Variants in POU6F2 observed in about 807,000 individuals in gnomAD.
POU6F2 encodes POU domain, class 6, transcription factor 2.
In POU6F2, 31 loss-of-function variants were observed where a neutral mutation model predicts 71.3. That is an observed-to-expected ratio of 0.43 (90% CI 0.33 to 0.59). The LOEUF (loss-of-function observed/expected upper bound fraction) is 0.59. POU6F2 is among the 20% of genes least tolerant of loss of function. The pLI is 0.04. For missense variants in POU6F2, 783 were observed against 856.8 expected (o/e 0.91, Z 1.07); for synonymous variants, 347 against 355.7 (o/e 0.98, Z 0.27).
chr7:39,085,766 G>A lies in POU6F2; in HGVS notation c.106-94G>A, dbSNP rs1791226966. ...AGAGGGAGAGTGTGTGTGGAAGAGA[G>A]AGAGAGAAGAGAGAGGGAGAGGGAG... is the stretch of plus-strand genomic sequence containing the variant. On this transcript the variant is annotated intron_variant, in intron 1 of 9. Transcript: ENST00000518318. The A allele has an allele frequency of 3.6e-5, 44 of 1,233,250 alleles. 2 individuals carry two copies. In the South Asian group the frequency reaches 5.7e-4, roughly 16 times the overall value. 76.4% of individuals were successfully genotyped at this position (1,233,250 alleles called of 1,614,324 possible).
At position 39,141,068 on chromosome 7, in the gene POU6F2, T is replaced by C. The variant is rs926951386; in HGVS notation, c.277+55037T>C. Among the ~76,000 whole-genome samples, 3 of 152,176 alleles carry C rather than the reference T, an allele frequency of 2.0e-5. No homozygotes were observed. The South Asian group carries it at 6.2e-4, about 32-fold the overall frequency. On this transcript the variant is annotated intron_variant, in intron 2 of 9. Transcript: ENST00000518318. ...TCCGAGCACTCCCTGAGCCTCCTGGTGCTTTGACTTAACTCACACTAGGGC... is the reference window on the plus strand; with the variant it reads ...TCCGAGCACTCCCTGAGCCTCCTGGCGCTTTGACTTAACTCACACTAGGGC...
At chr7:39,445,494 C>T (rs149351649) in intron 7 of POU6F2, among the ~76,000 whole-genome samples, 2 of 152,176 alleles carry the variant, frequency 1.3e-5, no homozygotes, top group Non-Finnish European at 2.9e-5. Flanking sequence ...TCCCACCTTC[C>T]GTGTCTGGCA....
At chr7:39,398,208 A>G (rs1349327216) in intron 5 of POU6F2, among the ~76,000 whole-genome samples, 1 of 152,110 alleles carries the variant, frequency 6.6e-6, no homozygotes, top group Non-Finnish European at 1.5e-5. Context: ...GCACTGTTGA[A>G]AGAGTCAAAG....
intron 2 of POU6F2, among the ~76,000 whole-genome samples, chr7:39,137,643 C>G (rs746820110): frequency 3.3e-5 from 5 of 152,156 alleles, no homozygotes; most frequent in Non-Finnish European, 7.3e-5. Flanking sequence ...AGACAACATA[C>G]AGAAAAATAA....
intron 2 of POU6F2, among the ~76,000 whole-genome samples, chr7:39,150,462 ATTTTTT>A (rs1263641232): frequency 1.0e-5 from 1 of 99,278 alleles, no homozygotes; most frequent in Non-Finnish European, 2.0e-5. Context: ...ACCAAGCTAC[ATTTTTT>A]TTTTTTTTTT....
chr7:39,297,156 T>A (rs1784861198), intron 4 of POU6F2, among the ~76,000 whole-genome samples: 1 of 148,406 alleles, frequency 6.7e-6, no homozygotes, highest in Non-Finnish European at 1.5e-5. Flanking sequence ...TGTTTATGCC[T>A]AATTATTTTA....
intron 2 of POU6F2, among the ~76,000 whole-genome samples, chr7:39,108,860 C>A (rs1193180348): frequency 2.0e-5 from 3 of 152,058 alleles, no homozygotes; most frequent in Non-Finnish European, 4.4e-5. Flanking sequence ...TTATAATTTG[C>A]AACACAAAGT....
chr7:39,413,399 T>C (rs1033503318), intron 6 of POU6F2, among the ~76,000 whole-genome samples: 1 of 152,180 alleles, frequency 6.6e-6, no homozygotes, highest in Non-Finnish European at 1.5e-5. Context: ...GGCAAAAGAA[T>C]ATATTGTTTC....
chr7:38,990,128 G>T (rs1390522042), intron 1 of POU6F2, among the ~76,000 whole-genome samples: 1 of 151,942 alleles, frequency 6.6e-6, no homozygotes, highest in Non-Finnish European at 1.5e-5. Flanking sequence ...CCAAATATAT[G>T]TTGGCACTTC....
At chr7:39,087,518 T>C (rs930624880) in intron 2 of POU6F2, among the ~76,000 whole-genome samples, 1 of 152,168 alleles carries the variant, frequency 6.6e-6, no homozygotes, top group Non-Finnish European at 1.5e-5. Flanking sequence ...AGTGTAAGTT[T>C]TTATCCATAT....
intron 1 of POU6F2, among the ~76,000 whole-genome samples, chr7:39,030,321 C>A (rs1313709195): frequency 1.3e-5 from 2 of 150,666 alleles, no homozygotes; most frequent in Admixed American, 6.6e-5. Flanking sequence ...TCATTGAATT[C>A]TTTTATCTTT....
intron 1 of POU6F2, among the ~76,000 whole-genome samples, chr7:39,003,787 T>A (rs1033297710): frequency 6.6e-6 from 1 of 151,604 alleles, no homozygotes; most frequent in Non-Finnish European, 1.5e-5. Flanking sequence ...GCATATTAAA[T>A]CCATAAATCA....
At chr7:39,286,935 G>A (rs1194774631) in intron 4 of POU6F2, among the ~76,000 whole-genome samples, 2 of 96,152 alleles carry the variant, frequency 2.1e-5, no homozygotes, top group Admixed American at 1.4e-4. Flanking sequence ...GCTTTTTGAG[G>A]TATCTTTTTT....
At chr7:39,008,936 T>C (rs1789175575) in intron 1 of POU6F2, among the ~76,000 whole-genome samples, 1 of 151,748 alleles carries the variant, frequency 6.6e-6, no homozygotes, top group South Asian at 2.1e-4. Context: ...CCTTGTAGTA[T>C]AGTTTGAAGT....
intron 2 of POU6F2, among the ~76,000 whole-genome samples, chr7:39,102,117 G>C (rs528583135): frequency 6.6e-6 from 1 of 152,174 alleles, no homozygotes; most frequent in Non-Finnish European, 1.5e-5. Flanking sequence ...TAACACTTCA[G>C]TTTCAATTAG....
At chr7:39,009,406 C>G (rs1789192472) in intron 1 of POU6F2, among the ~76,000 whole-genome samples, 1 of 152,128 alleles carries the variant, frequency 6.6e-6, no homozygotes, top group Non-Finnish European at 1.5e-5. Flanking sequence ...TGCTTATCAG[C>G]TGAAGGAGAT....
intron 4 of POU6F2, among the ~76,000 whole-genome samples, chr7:39,309,615 A>T (rs2128766689): frequency 6.6e-6 from 1 of 152,204 alleles, no homozygotes; most frequent in East Asian, 1.9e-4. Context: ...AAGAAAACTG[A>T]AGGGCTAGTA....
intron 2 of POU6F2, among the ~76,000 whole-genome samples, chr7:39,107,192 G>A (rs1475753510): frequency 1.3e-5 from 2 of 151,940 alleles, no homozygotes; most frequent in African/African-American, 2.4e-5. Flanking sequence ...CCACAGGCAT[G>A]TGCCACTGTG....
intron 7 of POU6F2, among the ~76,000 whole-genome samples, chr7:39,441,974 C>T (rs1788416696): frequency 6.6e-6 from 1 of 152,068 alleles, no homozygotes; most frequent in South Asian, 2.1e-4. Flanking sequence ...AGAAGAAAGT[C>T]CCAATATTAT....
Sources: allele counts gnomAD v4.1 joint callset (sites outside exome capture counted in the v4.1 genomes callset), GRCh38; gene constraint gnomAD v4.1.1; transcripts MANE v1.5; gene names NCBI Gene and HGNC (gene_info 2026-07-23, HGNC 2026-07-21).